CCDC60: variants seen among roughly 807,000 people sequenced by gnomAD.
CCDC60 encodes coiled-coil domain-containing protein 60.
CCDC60 carries 54 observed loss-of-function variants against 63.5 expected under a neutral mutation model. That is an observed-to-expected ratio of 0.85 (90% CI 0.68 to 1.07). CCDC60 has a LOEUF of 1.07. Among genes scored for constraint, CCDC60 ranks in the 50% least tolerant of loss-of-function variants. CCDC60 has a pLI of 0.00. For missense variants in CCDC60, 651 were observed against 684.3 expected (o/e 0.95, Z 0.54); for synonymous variants, 206 against 238.8 (o/e 0.86, Z 1.27).
rs376579666 is a variant in CCDC60, at chr12:119,505,264, T to G, written c.844T>G (p.Ser282Ala). ...TSSKDIEDNE[S>A]SSTKPDEEPL... Reference sequence around the variant, plus strand: ...CAGCAAGGACATTGAGGACAATGAGTCATCTTCAACCAAGCCAGATGAAGA... The same window carrying G: ...CAGCAAGGACATTGAGGACAATGAGGCATCTTCAACCAAGCCAGATGAAGA... The change falls in exon 7 of 14, where the codon TCA (serine) becomes GCA (alanine). Residue 282 changes from serine (S) to alanine (A), a missense_variant. Coordinates refer to ENST00000327554, the MANE Select transcript of CCDC60 (RefSeq NM_178499.5). 6.2e-6 allele frequency: 10 copies of G among 1,612,254 alleles called. No homozygotes were observed. Among genetic ancestry groups the G allele is most frequent in the Middle Eastern group, 1.6e-4 (1 of 6,084 alleles).
At chr12:119,468,065 G>A (rs890887974) in intron 2 of CCDC60, among the ~76,000 whole-genome samples, 4 of 151,790 alleles carry the variant, frequency 2.6e-5, no homozygotes, top group African/African-American at 7.3e-5. Context: ...ATAAGATCAG[G>A]AGTTCAAGAC....
chr12:119,487,854 TG>T (rs1185909518), intron 4 of CCDC60, among the ~76,000 whole-genome samples: 2 of 152,186 alleles, frequency 1.3e-5, no homozygotes, highest in African/African-American at 2.4e-5. Context: ...TATGTGGTTT[TG>T]TTGTTTAAGA....
At chr12:119,513,856 C>T (rs999817969) in intron 7 of CCDC60, among the ~76,000 whole-genome samples, 3 of 152,198 alleles carry the variant, frequency 2.0e-5, no homozygotes, top group Non-Finnish European at 2.9e-5. Context: ...CAGTACTGTA[C>T]TTGATAACGA....
chr12:119,424,631 T>A (rs1223569587), intron 1 of CCDC60, among the ~76,000 whole-genome samples: 1 of 152,252 alleles, frequency 6.6e-6, no homozygotes, highest in African/African-American at 2.4e-5. Context: ...AACTTTTTAA[T>A]CTACTATTTA....
chr12:119,345,511 T>C (rs983487342), intron 1 of CCDC60, among the ~76,000 whole-genome samples: 4 of 151,326 alleles, frequency 2.6e-5, no homozygotes, highest in Admixed American at 1.3e-4. Context: ...CAAAAATAAA[T>C]AAATAAATAA....
At chr12:119,499,651 CA>C (rs1654953222) in intron 5 of CCDC60, among the ~76,000 whole-genome samples, 1 of 152,138 alleles carries the variant, frequency 6.6e-6, no homozygotes, top group African/African-American at 2.4e-5. Context: ...CCCTCAATCC[CA>C]CCCAGTAATA....
intron 1 of CCDC60, among the ~76,000 whole-genome samples, chr12:119,407,096 G>T (rs1421161432): frequency 6.6e-6 from 1 of 152,094 alleles, no homozygotes; most frequent in Non-Finnish European, 1.5e-5. Context: ...GCCATAGGGG[G>T]GTATATTCTG....
chr12:119,392,092 G>A (rs1204615746), intron 1 of CCDC60, among the ~76,000 whole-genome samples: 1 of 152,168 alleles, frequency 6.6e-6, no homozygotes, highest in African/African-American at 2.4e-5. Context: ...CAGAGATCAA[G>A]AAAGGGTGAT....
intron 3 of CCDC60, among the ~76,000 whole-genome samples, chr12:119,474,170 A>G (rs1423382841): frequency 6.6e-6 from 1 of 152,238 alleles, no homozygotes; most frequent in South Asian, 2.1e-4. Flanking sequence ...AAGAACGGCC[A>G]TAATATAAAA....
chr12:119,462,215 ATC>A (rs1005386333), intron 2 of CCDC60, among the ~76,000 whole-genome samples: 48 of 152,328 alleles, frequency 3.2e-4, no homozygotes, highest in African/African-American at 1.0e-3. Context: ...CTCTATTTGT[ATC>A]TAGGGGTTTG....
chr12:119,471,835 ACTCT>A (rs1171991819), intron 2 of CCDC60, among the ~76,000 whole-genome samples, 155 bp from the exon 3 acceptor site: 34 of 110,776 alleles, frequency 3.1e-4, no homozygotes, highest in Non-Finnish European at 5.5e-4. Flanking sequence ...TCCCTCTCTC[ACTCT>A]CTTTCTCTAT....
At chr12:119,450,379 CA>C (rs1950608415) in intron 2 of CCDC60, among the ~76,000 whole-genome samples, 1 of 152,038 alleles carries the variant, frequency 6.6e-6, no homozygotes, top group South Asian at 2.1e-4. Context: ...ACCCATGTAA[CA>C]AAATGATACT....
chr12:119,369,119 G>T (rs1412696609), intron 1 of CCDC60, among the ~76,000 whole-genome samples: 1 of 152,128 alleles, frequency 6.6e-6, no homozygotes, highest in African/African-American at 2.4e-5. Context: ...GTAAAAGCAG[G>T]CAGGCAGGTT....
chr12:119,473,189 G>A (rs1356353343), intron 3 of CCDC60, among the ~76,000 whole-genome samples: 1 of 152,152 alleles, frequency 6.6e-6, no homozygotes, highest in African/African-American at 2.4e-5. Context: ...TCCATCGACT[G>A]CACCATTTGG....
rs187030015 is a variant in CCDC60, at chr12:119,525,095, C to T, written c.1229+1277C>T. 3.6e-3 allele frequency among the ~76,000 whole-genome samples: 544 copies of T among 152,272 alleles called. 1 individual carries two copies. Among genetic ancestry groups the T allele is most frequent in the African/African-American group, 0.012 (508 of 41,544 alleles). On this transcript the variant is annotated intron_variant, in intron 11 of 13. Transcript: ENST00000327554. ...TCACAACAATCCTATGAGGTAGGTGCTATCATTAACTTATTTTGTAGATGA... is the reference window on the plus strand; with the variant it reads ...TCACAACAATCCTATGAGGTAGGTGTTATCATTAACTTATTTTGTAGATGA...
At chr12:119,423,542 C>T (rs1387337765) in intron 1 of CCDC60, among the ~76,000 whole-genome samples, 1 of 152,180 alleles carries the variant, frequency 6.6e-6, no homozygotes, top group Non-Finnish European at 1.5e-5. Flanking sequence ...GAAGCCAGGG[C>T]ATTTCATCCC....
intron 8 of CCDC60, among the ~76,000 whole-genome samples, chr12:119,519,827 T>C (rs1952466446): frequency 6.7e-6 from 1 of 149,764 alleles, no homozygotes; most frequent in South Asian, 2.1e-4. Flanking sequence ...TGCTGTATGG[T>C]GGGGAATTTT....
chr12:119,489,469 G>A lies in CCDC60; in HGVS notation c.557+603G>A, dbSNP rs1449657683. On this transcript the variant is annotated intron_variant, in intron 5 of 13. Transcript: ENST00000327554. ...TGTACAGGCAGAAGCTCCAGAACAT[G>A]TTGTCTAGGTCAAGAGAAGCGTTAG... is the stretch of plus-strand genomic sequence containing the variant. 3.3e-5 allele frequency among the ~76,000 whole-genome samples: 5 copies of A among 152,184 alleles called. No individual in the cohort carries two copies. In the East Asian group the frequency reaches 9.6e-4, roughly 29 times the overall value.
At chr12:119,362,292 G>T (rs746553791) in intron 1 of CCDC60, among the ~76,000 whole-genome samples, 24 of 152,082 alleles carry the variant, frequency 1.6e-4, no homozygotes, top group Admixed American at 9.2e-4. Flanking sequence ...TTAAGTTACA[G>T]CTCAATTAAA....
Sources: allele counts gnomAD v4.1 joint callset (sites outside exome capture counted in the v4.1 genomes callset), GRCh38; gene constraint gnomAD v4.1.1; transcripts MANE v1.5; gene names NCBI Gene and HGNC (gene_info 2026-07-23, HGNC 2026-07-21).